Variants in EIF3D observed in about 807,000 individuals in gnomAD.
EIF3D encodes eukaryotic translation initiation factor 3 subunit D.
In EIF3D, 10 loss-of-function variants were observed where a neutral mutation model predicts 75.4. That is an observed-to-expected ratio of 0.13 (90% confidence interval 0.08 to 0.22). EIF3D has a LOEUF of 0.22. EIF3D is among the 10% of genes least tolerant of loss of function. EIF3D has a pLI of 1.00. For synonymous variants in EIF3D, 246 were observed against 248.3 expected (o/e 0.99, Z 0.09); for missense variants, 394 against 708.0 (o/e 0.56, Z 5.03).
chr22:36,523,826 T>C (rs1934553537), intron 5 of EIF3D, 69 bp downstream of exon 5: 1 of 1,409,774 alleles, frequency 7.1e-7, no homozygotes, highest in Non-Finnish European at 1.0e-6. Context: ...CCTCCTGCTT[T>C]GGTCCTGTGG....
At chr22:36,525,569 T>C (rs541644102) in intron 3 of EIF3D, 95 bp downstream of exon 3, 11 of 1,343,300 alleles carry the variant, frequency 8.2e-6, no homozygotes, top group Non-Finnish European at 1.2e-5. Flanking sequence ...TGGCAGTTTC[T>C]TCCCATTCTA....
chr22:36,520,020 A>G (rs1243420249), intron 7 of EIF3D, among the ~76,000 whole-genome samples: 1 of 152,210 alleles, frequency 6.6e-6, no homozygotes, highest in East Asian at 1.9e-4. Flanking sequence ...AGAAATATAC[A>G]GTTTAATAAT....
At chr22:36,511,355 C>G (rs1568997037) in intron 14 of EIF3D, 148 bp downstream of exon 14, 1 of 1,470,584 alleles carries the variant, frequency 6.8e-7, no homozygotes, top group South Asian at 1.3e-5. Flanking sequence ...AGAAGAAGCT[C>G]TTGGAGCCAA....
At chr22:36,524,944 A>T (rs1934572352) in intron 3 of EIF3D, among the ~76,000 whole-genome samples, 1 of 152,180 alleles carries the variant, frequency 6.6e-6, no homozygotes, top group Non-Finnish European at 1.5e-5. Flanking sequence ...ATGCACATTC[A>T]ATTTTGAACA....
At chr22:36,514,690 T>A (rs902587290) in intron 12 of EIF3D, among the ~76,000 whole-genome samples, 2 of 152,152 alleles carry the variant, frequency 1.3e-5, no homozygotes, top group African/African-American at 4.8e-5. Context: ...GGGGCCTCAG[T>A]CATCTAACTG....
In EIF3D at chr22:36,523,955, C is replaced by T. The variant is rs761474679; in HGVS notation, c.332G>A (p.Arg111His). 8 of 1,613,980 alleles carry T rather than the reference C, an allele frequency of 5.0e-6. No homozygotes were observed. The highest frequency in any genetic ancestry group is 1.7e-5 in the Admixed American group (1 of 59,990). The change falls in exon 5 of 15, where the codon CGT (arginine) becomes CAT (histidine). Residue 111 changes from arginine (R) to histidine (H), a missense_variant. Coordinates refer to ENST00000216190, the MANE Select transcript of EIF3D (RefSeq NM_003753.4). ...CAGGTTGAACTGCAACATGTTCCGA[C>T]GATCTTTGTCTCTGCGGAGGTTCCT... ...AQRNLRRDKDRRNMLQFNLQI... is the reference protein window; with the variant it reads ...AQRNLRRDKDHRNMLQFNLQI...
intron 1 of EIF3D, 182 bp downstream of exon 1, chr22:36,528,894 C>G (rs1746575224): frequency 5.7e-6 from 1 of 175,310 alleles, no homozygotes; most frequent in South Asian, 2.0e-4. Context: ...AAGGTCGTGT[C>G]CCGCGTTCAG....
chr22:36,518,640 T>C, intron 9 of EIF3D, 123 bp downstream of exon 9: 6 of 1,257,850 alleles, frequency 4.8e-6, no homozygotes, highest in South Asian at 1.4e-5. Context: ...ATTCAGACAC[T>C]GCTGCTGTCA....
At chr22:36,524,458 G>C (rs1165550505) in intron 4 of EIF3D, 138 bp downstream of exon 4, 20 of 1,242,586 alleles carry the variant, frequency 1.6e-5, no homozygotes, top group Non-Finnish European at 4.5e-6. Context: ...ACTTGTTATG[G>C]AACGGTGACC....
chr22:36,521,884 C>T (rs938310101), intron 6 of EIF3D, among the ~76,000 whole-genome samples: 1 of 151,568 alleles, frequency 6.6e-6, no homozygotes, highest in Non-Finnish European at 1.5e-5. Flanking sequence ...TTGCAGTGAG[C>T]CAAGATCGCG....
At chr22:36,527,731 C>CAGG (rs1484349352) in intron 1 of EIF3D, among the ~76,000 whole-genome samples, 1 of 152,114 alleles carries the variant, frequency 6.6e-6, no homozygotes, top group African/African-American at 2.4e-5. Flanking sequence ...ACCAGCTACT[C>CAGG]AGGAGGCGGA....
At chr22:36,522,351 T>G (rs1183605266) in intron 6 of EIF3D, among the ~76,000 whole-genome samples, 1 of 152,002 alleles carries the variant, frequency 6.6e-6, no homozygotes, top group Non-Finnish European at 1.5e-5. Context: ...CAAGACTCTG[T>G]CTCAAAAAAG....
Position 36,529,129 on chromosome 22 carries a change from G to A in EIF3D, c.-64C>T. On this transcript the variant is annotated 5_prime_UTR_variant, in exon 1 of 15. Coordinates refer to ENST00000216190, the MANE Select transcript of EIF3D (RefSeq NM_003753.4). ...CAACAGATGGTGCGTGCCGGGGACCGCGTTAGCAGCAGCACTCTTGAGAAA... is the reference window on the plus strand; with the variant it reads ...CAACAGATGGTGCGTGCCGGGGACCACGTTAGCAGCAGCACTCTTGAGAAA... The A allele has an allele frequency of 2.5e-6, 1 of 395,756 alleles. No individual in the cohort carries two copies. The highest frequency in any genetic ancestry group is 4.5e-6 in the Non-Finnish European group (1 of 224,548). 24.5% of individuals were successfully genotyped at this position (395,756 alleles called of 1,614,324 possible). A position where few individuals can be genotyped will look rare whatever the true frequency, so the allele number is the denominator to read the frequency against.
chr22:36,519,612 A>G, intron 7 of EIF3D, 75 bp from the exon 8 acceptor site: 2 of 1,590,998 alleles, frequency 1.3e-6, no homozygotes, highest in South Asian at 1.1e-5. Context: ...CCATACATCC[A>G]GAAGTCTTAT....
At chr22:36,518,093 T>C (rs946165161) in intron 9 of EIF3D, among the ~76,000 whole-genome samples, 5 of 152,142 alleles carry the variant, frequency 3.3e-5, no homozygotes, top group South Asian at 2.1e-4. Flanking sequence ...TTATGGTGTA[T>C]AAATACATAT....
intron 6 of EIF3D, 121 bp downstream of exon 6, chr22:36,523,086 CAA>C (rs771022096): frequency 1.2e-6 from 1 of 841,826 alleles, no homozygotes; most frequent in Non-Finnish European, 2.0e-6. Context: ...CAGAACTCTT[CAA>C]ATATATTAAA....
At position 36,529,111 on chromosome 22, in the gene EIF3D, T is replaced by C. The variant is rs1471880105; in HGVS notation, c.-46A>G. 16 of 394,494 alleles carry C rather than the reference T, an allele frequency of 4.1e-5. No homozygotes were observed. Among genetic ancestry groups the C allele is most frequent in the South Asian group, 1.4e-4 (1 of 7,018 alleles). 24.4% of individuals were successfully genotyped at this position (394,494 alleles called of 1,614,324 possible). On this transcript the variant is annotated 5_prime_UTR_variant, in exon 1 of 15. Coordinates refer to ENST00000216190, the MANE Select transcript of EIF3D (RefSeq NM_003753.4). ...CTCGGCCGGCCGGGATGGCAACAGA[T>C]GGTGCGTGCCGGGGACCGCGTTAGC...
chr22:36,511,868 T>TGATA, intron 13 of EIF3D, 82 bp from the exon 14 acceptor site: 1 of 1,541,784 alleles, frequency 6.5e-7, no homozygotes, highest in Non-Finnish European at 8.8e-7. Flanking sequence ...AATTAAATGG[T>TGATA]GATACCTGGT....
Position 36,510,911 on chromosome 22 carries a change from A to T in EIF3D, c.*76T>A. 6.7e-7 allele frequency: 1 copy of T among 1,497,940 alleles called. No individual in the cohort carries two copies. The highest frequency in any genetic ancestry group is 9.0e-7 in the Non-Finnish European group (1 of 1,112,494). The allele number at this position is 1,497,940 out of a possible 1,614,324, so 92.8% of individuals were successfully genotyped here. ...TCTGCTAAATGTCAGAGAGCAAGTT[A>T]GACACACATTCCACTAAGCATCAAA... On this transcript the variant is annotated 3_prime_UTR_variant, in exon 15 of 15. Coordinates refer to ENST00000216190, the MANE Select transcript of EIF3D (RefSeq NM_003753.4).
Sources: gnomAD v4.1 joint callset for allele counts (sites outside exome capture counted in the v4.1 genomes callset) on GRCh38, gnomAD v4.1.1 for gene constraint, MANE v1.5 for transcripts, NCBI Gene and HGNC (gene_info 2026-07-23, HGNC 2026-07-21) for gene names.